Variants in XKR7 observed in about 807,000 individuals in gnomAD.
XKR7 encodes XK related 7.
In XKR7, 11 loss-of-function variants were observed where a neutral mutation model predicts 42.2. That is an observed-to-expected ratio of 0.26 (90% confidence interval 0.16 to 0.43). The LOEUF (loss-of-function observed/expected upper bound fraction) is 0.43, where lower values mean the gene tolerates loss of function less well. Among genes scored for constraint, XKR7 ranks in the 20% least tolerant of loss-of-function variants. The probability of loss-of-function intolerance (pLI) is 1.00; values close to 1 mark genes in which losing one functional copy is unlikely to be tolerated. For missense variants in XKR7, 710 were observed against 802.2 expected (o/e 0.89, Z 1.39); for synonymous variants, 346 against 366.4 (o/e 0.94, Z 0.64).
rs1386576686 is a variant in XKR7, at chr20:32,000,245, A to C, written c.*2788A>C. On this transcript the variant is annotated 3_prime_UTR_variant, in exon 3 of 3. Transcript: ENST00000562532. The stretch of plus-strand genomic sequence containing the variant: ...TTCATTTCACTGGGATAGAGGAGTC[A>C]GATGAGGGAGGGGTCCATCCCCTTG... The C allele has an allele frequency of 2.0e-5, 3 of 152,512 alleles. No homozygotes were observed. In the East Asian group the frequency reaches 5.8e-4, roughly 29 times the overall value. 9.4% of individuals were successfully genotyped at this position (152,512 alleles called of 1,614,324 possible).
chr20:31,987,679 G>C (rs5028704), intron 1 of XKR7, among the ~76,000 whole-genome samples: 77,473 of 152,004 alleles, frequency 0.51, 23,470 homozygotes, highest in African/African-American at 0.85. Context: ...AAGACACAGA[G>C]AGACAGATCA....
rs1405112475 is a variant in XKR7, at chr20:32,003,154, C to G, written c.*5697C>G. The G allele has an allele frequency of 6.6e-6, 1 of 152,408 alleles. No homozygotes were observed. The highest frequency in any genetic ancestry group is 2.4e-5 in the African/African-American group (1 of 41,452). The allele number at this position is 152,408 out of a possible 1,614,324, so 9.4% of individuals were successfully genotyped here. On this transcript the variant is annotated 3_prime_UTR_variant, in exon 3 of 3. Transcript: ENST00000562532. Reference sequence around the variant, plus strand: ...TCTCTTCCTCCCTAACGGGCCCTCACCCCTGTCCTCTTCTGTTTCCTTTTC... The same window carrying G: ...TCTCTTCCTCCCTAACGGGCCCTCAGCCCTGTCCTCTTCTGTTTCCTTTTC...
rs543874255 is a variant in XKR7 at position 31,995,295 on chromosome 20, C to A, written c.787+25C>A. ...GGTGAGCCCGCCCCTTCACCCTCTG[C>A]GCCTGGGACCACCCCACCGGGCCTT... is the stretch of plus-strand genomic sequence containing the variant. On this transcript the variant is annotated intron_variant, in intron 2 of 2. Coordinates refer to ENST00000562532, the MANE Select transcript of XKR7 (RefSeq NM_001011718.2). The surrounding 1 kb of genome is among the most constrained non-coding windows in gnomAD (Gnocchi z 4.1). 2 of 1,532,776 alleles carry A rather than the reference C, an allele frequency of 1.3e-6. No individual in the cohort carries two copies. Among genetic ancestry groups the A allele is most frequent in the African/African-American group, 2.7e-5 (2 of 72,742 alleles). 94.9% of individuals were successfully genotyped at this position (1,532,776 alleles called of 1,614,324 possible).
Position 31,996,724 on chromosome 20 carries a change from G to T in XKR7, c.1007G>T (p.Trp336Leu). 1.9e-6 allele frequency: 3 copies of T among 1,613,570 alleles called. No homozygotes were observed. Among genetic ancestry groups the T allele is most frequent in the Non-Finnish European group, 2.5e-6 (3 of 1,179,760 alleles). ...TTTGGCATCTTCATCGTGGCCCACTGGTGCGTCATGACCTTCTGGGTCATC... is the reference window on the plus strand; with the variant it reads ...TTTGGCATCTTCATCGTGGCCCACTTGTGCGTCATGACCTTCTGGGTCATC... ...LYFGIFIVAH[W>L]CVMTFWVIQG... Residue 336 changes from tryptophan to leucine, a missense_variant, in exon 3 of 3, where the codon TGG becomes TTG. Physicochemically the swap from Trp to Leu is moderately conservative, Grantham distance 61. Coordinates refer to ENST00000562532, the MANE Select transcript of XKR7 (RefSeq NM_001011718.2).
At position 31,997,408 on chromosome 20, in the gene XKR7, G is replaced by A. The variant is rs371260952; in HGVS notation, c.1691G>A (p.Arg564Gln). ...SSPATPRLQY[R>Q]SVGTSQELLE... Reference sequence around the variant, plus strand: ...CCTGCCACGCCCCGGTTGCAGTACCGGAGTGTGGGGACTTCCCAGGAGCTG... The same window carrying A: ...CCTGCCACGCCCCGGTTGCAGTACCAGAGTGTGGGGACTTCCCAGGAGCTG... The change falls in exon 3 of 3, where the codon CGG (arginine) becomes CAG (glutamine). Residue 564 changes from arginine to glutamine, a missense_variant. Transcript: ENST00000562532. 1.1e-5 allele frequency: 17 copies of A among 1,599,316 alleles called. No individual in the cohort carries two copies. Among genetic ancestry groups the A allele is most frequent in the South Asian group, 3.3e-5 (3 of 91,066 alleles).
intron 1 of XKR7, among the ~76,000 whole-genome samples, chr20:31,986,662 C>T (rs2064542317): frequency 6.8e-6 from 1 of 147,792 alleles, no homozygotes. Flanking sequence ...ACAGACCAAG[C>T]ATCCAAGACA....
Position 31,997,406 on chromosome 20 carries a change from C to T in XKR7, c.1689C>T (p.Tyr563=). 2 of 1,599,582 alleles carry T rather than the reference C, an allele frequency of 1.3e-6. No individual in the cohort carries two copies. Among genetic ancestry groups the T allele is most frequent in the Non-Finnish European group, 8.5e-7 (1 of 1,179,898 alleles). The change falls in exon 3 of 3, where the codon TAC becomes TAT. Residue 563 remains tyrosine (Y), a synonymous_variant. Coordinates refer to ENST00000562532, the MANE Select transcript of XKR7 (RefSeq NM_001011718.2). ...CACCTGCCACGCCCCGGTTGCAGTA[C>T]CGGAGTGTGGGGACTTCCCAGGAGC... is the stretch of plus-strand genomic sequence containing the variant. ...YSSPATPRLQ[Y]RSVGTSQELL... is the part of the protein sequence containing the mutation.
rs1163566432 is a variant in XKR7, at chr20:31,996,617, G to T, written c.900G>T (p.Val300=). Residue 300 remains valine, a synonymous_variant, in exon 3 of 3, where the codon GTG becomes GTT. Transcript: ENST00000562532. Reference sequence around the variant, plus strand: ...GGCCGCTGTCCTACAAGGGCGCCGTGGCACAGGTGCTGTGGCACCTGTTCA... The same window carrying T: ...GGCCGCTGTCCTACAAGGGCGCCGTTGCACAGGTGCTGTGGCACCTGTTCA... The part of the protein sequence containing the change: ...DKRPLSYKGA[V]AQVLWHLFSI... 5 of 1,576,658 alleles carry T rather than the reference G, an allele frequency of 3.2e-6. No homozygotes were observed. In the East Asian group the frequency reaches 1.1e-4, roughly 35 times the overall value.
chr20:31,980,948 C>T (rs2064509286), intron 1 of XKR7, among the ~76,000 whole-genome samples: 1 of 151,830 alleles, frequency 6.6e-6, no homozygotes. Context: ...GCCTATGTTC[C>T]CAGCTACTCA....
chr20:31,975,385 C>A (rs1437601627), intron 1 of XKR7, among the ~76,000 whole-genome samples: 1 of 152,122 alleles, frequency 6.6e-6, no homozygotes, highest in Non-Finnish European at 1.5e-5. Flanking sequence ...GCTCCCCACC[C>A]CCTTGCTCTC....
intron 1 of XKR7, among the ~76,000 whole-genome samples, chr20:31,973,403 A>G (rs543241226): frequency 6.6e-6 from 1 of 152,324 alleles, no homozygotes; most frequent in Non-Finnish European, 1.5e-5. Context: ...CTTGGAGCTC[A>G]ATAGCCTAAT....
At position 31,997,345 on chromosome 20, in the gene XKR7, G is replaced by A. The variant is rs142104329; in HGVS notation, c.1628G>A (p.Arg543Gln). 6 of 1,606,232 alleles carry A rather than the reference G, an allele frequency of 3.7e-6. No individual in the cohort carries two copies. The highest frequency in any genetic ancestry group is 1.7e-5 in the Admixed American group (1 of 60,022). The stretch of plus-strand genomic sequence containing the variant: ...TGGGATGCTCATTTTATTGACCGCC[G>A]GCTCCGGAAGACCATCCTGGCACTG... ...PAWDAHFIDRRLRKTILALEY... is the reference protein window; with the variant it reads ...PAWDAHFIDRQLRKTILALEY... Residue 543 changes from arginine to glutamine, a missense_variant, in exon 3 of 3, where the codon CGG becomes CAG. This residue lies in a region of XKR7 where 708 missense variants were observed against 786.2 expected (regional missense o/e 0.90). Transcript: ENST00000562532.
chr20:31,971,601 G>T (rs753045081), intron 1 of XKR7, among the ~76,000 whole-genome samples: 2 of 152,212 alleles, frequency 1.3e-5, no homozygotes, highest in Non-Finnish European at 2.9e-5. Context: ...GGTGGGGCCT[G>T]GGGTAATGAA....
chr20:31,996,435 G>T, intron 2 of XKR7, 70 bp from the exon 3 acceptor site: 2 of 1,124,972 alleles, frequency 1.8e-6, no homozygotes, highest in Non-Finnish European at 2.4e-6. Flanking sequence ...AGAACCCTCC[G>T]CCTCTCCCCA....
At chr20:31,986,608 C>T (rs889977006) in intron 1 of XKR7, among the ~76,000 whole-genome samples, 1 of 128,612 alleles carries the variant, frequency 7.8e-6, no homozygotes, top group Non-Finnish European at 1.6e-5. Context: ...AGACAGACCA[C>T]CAAACAGATC....
intron 1 of XKR7, among the ~76,000 whole-genome samples, chr20:31,969,807 A>G (rs1050095466): frequency 2.6e-5 from 4 of 152,220 alleles, no homozygotes; most frequent in South Asian, 4.1e-4. Flanking sequence ...GCAGACTGTA[A>G]CATTTTAAGA....
chr20:31,981,840 C>T (rs2064514634), intron 1 of XKR7, among the ~76,000 whole-genome samples: 1 of 152,230 alleles, frequency 6.6e-6, no homozygotes, highest in Non-Finnish European at 1.5e-5. Flanking sequence ...ACTGCTCCCT[C>T]CCACTTCAGG....
chr20:31,971,439 T>G (rs961838404), intron 1 of XKR7, among the ~76,000 whole-genome samples: 1 of 152,216 alleles, frequency 6.6e-6, no homozygotes, highest in Non-Finnish European at 1.5e-5. Context: ...CCAAAATCTT[T>G]GGATTCTAAA....
rs765846784 is a variant in XKR7, at chr20:31,995,153, G to C, written c.670G>C (p.Glu224Gln). The C allele has an allele frequency of 1.5e-5, 24 of 1,555,674 alleles. No individual in the cohort carries two copies. Among genetic ancestry groups the C allele is most frequent in the Admixed American group, 5.8e-5 (3 of 51,940 alleles). Residue 224 changes from glutamate (E) to glutamine (Q), a missense_variant, in exon 2 of 3, where the codon GAG becomes CAG. Coordinates refer to ENST00000562532, the MANE Select transcript of XKR7 (RefSeq NM_001011718.2). This position sits in a 1 kb window ranked among gnomAD's most constrained non-coding sequence, Gnocchi z 4.1. ...RRHFYWQMLF[E>Q]SADVSMLRLL... ...CCACTTCTACTGGCAGATGCTGTTCGAGAGCGCCGACGTGAGCATGCTGCG... is the reference window on the plus strand; with the variant it reads ...CCACTTCTACTGGCAGATGCTGTTCCAGAGCGCCGACGTGAGCATGCTGCG...
Sources: allele counts gnomAD v4.1 joint callset (sites outside exome capture counted in the v4.1 genomes callset), GRCh38; gene constraint gnomAD v4.1.1; regional missense constraint gnomAD v4.1.1; non-coding constraint Gnocchi (gnomAD v3.1); transcripts MANE v1.5; gene names NCBI Gene and HGNC (gene_info 2026-07-23, HGNC 2026-07-21).